The following PTPRB variants were observed in gnomAD, a reference collection of about 807,000 sequenced individuals.
The protein encoded by PTPRB is receptor-type tyrosine-protein phosphatase beta.
PTPRB carries 97 observed loss-of-function variants against 238.1 expected under a neutral mutation model. The ratio of observed to expected loss-of-function variants is 0.41; its 90% confidence interval spans 0.35 to 0.48. The LOEUF (loss-of-function observed/expected upper bound fraction) is 0.48. PTPRB is among the 20% of genes least tolerant of loss of function. The pLI is 0.30. For synonymous variants in PTPRB, 970 were observed against 995.4 expected, an observed-to-expected ratio of 0.97 and a Z score of 0.48; for missense variants, 2,292 against 2,681.9, an observed-to-expected ratio of 0.85 and a Z score of 3.21.
At position 70,520,417 on chromosome 12, in the gene PTPRB, G is replaced by A. The variant is rs1443558573; in HGVS notation, c.*1072C>T. 8.7e-6 allele frequency: 2 copies of A among 229,920 alleles called. No individual in the cohort carries two copies. The highest frequency in any genetic ancestry group is 2.3e-5 in the African/African-American group (1 of 42,644). 14.2% of individuals were successfully genotyped at this position (229,920 alleles called of 1,614,324 possible). On this transcript the variant is annotated 3_prime_UTR_variant, in exon 34 of 34. Transcript: ENST00000334414. ...AATTTTACTGAAGACCACTGTTTTTGTTTTTGCTATTGTTTTTAAATTTAC... is the reference window on the plus strand; with the variant it reads ...AATTTTACTGAAGACCACTGTTTTTATTTTTGCTATTGTTTTTAAATTTAC...
intron 31 of PTPRB, among the ~76,000 whole-genome samples, 168 bp from the exon 32 acceptor site, chr12:70,532,338 C>G (rs1873396122): frequency 6.6e-6 from 1 of 151,576 alleles, no homozygotes; most frequent in African/African-American, 2.4e-5. Context: ...AACCCCACCC[C>G]CCCACAGCCT....
In PTPRB at chr12:70,539,898, C is replaced by T. The variant is rs749373418; in HGVS notation, c.5678+41G>A. ...TTTGTTAGCAAATTTCACATAATAC[C>T]ATCTTTCAACAAATTATACGAAGGC... On this transcript the variant is annotated intron_variant, in intron 24 of 33. Coordinates refer to ENST00000334414, the MANE Select transcript of PTPRB (RefSeq NM_001109754.4). 1.1e-5 allele frequency: 17 copies of T among 1,580,984 alleles called. No individual in the cohort carries two copies. In the South Asian group the frequency reaches 1.9e-4, roughly 18 times the overall value.
chr12:70,548,923 ATGTTTTAATTCCTG>A (rs1876484927), intron 21 of PTPRB, among the ~76,000 whole-genome samples: 1 of 152,130 alleles, frequency 6.6e-6, no homozygotes, highest in South Asian at 2.1e-4. Context: ...ATCCTTTCCT[ATGTTTTAATTCCTG>A]TGTTTTAATA....
intron 4 of PTPRB, among the ~76,000 whole-genome samples, chr12:70,601,028 C>A (rs923576982): frequency 1.5e-4 from 23 of 152,066 alleles, no homozygotes; most frequent in Non-Finnish European, 3.2e-4. Context: ...CCACCACGCC[C>A]AGCTAATTTT....
intron 10 of PTPRB, among the ~76,000 whole-genome samples, chr12:70,580,393 T>C (rs1055065212): frequency 6.6e-6 from 1 of 152,240 alleles, no homozygotes; most frequent in African/African-American, 2.4e-5. Flanking sequence ...GATGCTTTCT[T>C]TGGGAGGTTT....
intron 6 of PTPRB, among the ~76,000 whole-genome samples, chr12:70,593,374 G>A (rs1212244743): frequency 6.6e-6 from 1 of 151,904 alleles, no homozygotes; most frequent in Non-Finnish European, 1.5e-5. Flanking sequence ...TTAGCTGTGC[G>A]TGGTGGCAGG....
chr12:70,544,970 A>G (rs1875747323), intron 21 of PTPRB, among the ~76,000 whole-genome samples: 1 of 152,234 alleles, frequency 6.6e-6, no homozygotes, highest in African/African-American at 2.4e-5. Context: ...ACACAAATAT[A>G]ATAAATCAGA....
At chr12:70,622,006 T>G (rs1884960445) in intron 3 of PTPRB, among the ~76,000 whole-genome samples, 1 of 152,226 alleles carries the variant, frequency 6.6e-6, no homozygotes, top group Non-Finnish European at 1.5e-5. Flanking sequence ...ATTGCTTTAG[T>G]CTCTCTCCCT....
chr12:70,575,960 G>A (rs549650752), intron 11 of PTPRB, among the ~76,000 whole-genome samples: 3 of 152,218 alleles, frequency 2.0e-5, no homozygotes, highest in Non-Finnish European at 2.9e-5. Flanking sequence ...TTCAGAACTG[G>A]GTTTAAAACC....
At chr12:70,633,753 A>G (rs974705780) in intron 2 of PTPRB, among the ~76,000 whole-genome samples, 1 of 152,110 alleles carries the variant, frequency 6.6e-6, no homozygotes, top group African/African-American at 2.4e-5. Context: ...ATTACTAGAC[A>G]TATTTGTATG....
chr12:70,521,655 A>C (rs960085256), intron 33 of PTPRB, 144 bp from the exon 34 acceptor site: 9 of 591,926 alleles, frequency 1.5e-5, no homozygotes, highest in Admixed American at 3.8e-5. Context: ...TATTGGGACC[A>C]GGTAATTCCA....
chr12:70,556,290 A>G (rs951700943), intron 18 of PTPRB, 142 bp from the exon 19 acceptor site: 2 of 770,664 alleles, frequency 2.6e-6, no homozygotes, highest in Non-Finnish European at 4.1e-6. Flanking sequence ...TCACCCTAGC[A>G]GAGACACATG....
intron 9 of PTPRB, chr12:70,585,384 T>C (rs895951633): frequency 6.6e-6 from 1 of 152,238 alleles, no homozygotes; most frequent in Non-Finnish European, 1.5e-5. Context: ...CTCTCTTTCC[T>C]AGCTGATACG....
rs776795760 is a variant in PTPRB, at chr12:70,635,971, G to A, written c.151C>T (p.Gln51Ter). Residue 51 changes from glutamine (Q) to a stop codon, truncating the protein, a stop_gained, in exon 2 of 34, where the codon CAG (glutamine) becomes TAG (stop). Transcript: ENST00000334414. LOFTEE classifies it high-confidence loss of function. ...TTTTCATCCTCAGTCCACATCCACT[G>A]CTGGTTCTGGATGGTCCTGTTGCAT... ...GSCNRTIQNQ[Q>*]WMWTEDEKLL... 1 of 1,613,394 alleles carries A rather than the reference G, an allele frequency of 6.2e-7. No homozygotes were observed. The highest frequency in any genetic ancestry group is 1.3e-5 in the African/African-American group (1 of 74,902).
chr12:70,586,403 G>A lies in PTPRB; in HGVS notation c.2311+604C>T, dbSNP rs551112219. Among the ~76,000 whole-genome samples, 5 of 152,298 alleles carry A rather than the reference G, an allele frequency of 3.3e-5. No homozygotes were observed. In the South Asian group the frequency reaches 8.3e-4, roughly 25 times the overall value. ...CCTCCCTAGTCATGTGGAACTGTGA[G>A]TCAATTAAACCTCTTTCCTTTATAA... On this transcript the variant is annotated intron_variant, in intron 9 of 33. Transcript: ENST00000334414.
At chr12:70,568,189 C>G (rs1879554185) in intron 14 of PTPRB, among the ~76,000 whole-genome samples, 1 of 152,150 alleles carries the variant, frequency 6.6e-6, no homozygotes, top group Admixed American at 6.5e-5. Context: ...CTCATAACCA[C>G]TTTTTTCTTA....
At chr12:70,625,354 C>T (rs371881275) in intron 2 of PTPRB, among the ~76,000 whole-genome samples, 1 of 152,124 alleles carries the variant, frequency 6.6e-6, no homozygotes. Flanking sequence ...ATTTAGCAGA[C>T]TTGGTGTGGG....
At chr12:70,583,989 C>T (rs773051832) in intron 9 of PTPRB, among the ~76,000 whole-genome samples, 2 of 152,192 alleles carry the variant, frequency 1.3e-5, no homozygotes, top group East Asian at 3.9e-4. Flanking sequence ...TTATAATTAT[C>T]AGACATAGGA....
chr12:70,552,970 C>T lies in PTPRB; in HGVS notation c.5194G>A (p.Glu1732Lys). The change falls in exon 21 of 34, where the codon GAG becomes AAG. Residue 1732 changes from glutamate (E) to lysine (K), a missense_variant. By Grantham distance (56) the Glu-to-Lys change is moderately conservative. Transcript: ENST00000334414. Reference protein sequence around the residue: ...EQQHPLPSYLEYRHNASIRVY... With the variant: ...EQQHPLPSYLKYRHNASIRVY... ...CGAATGGAGGCATTGTGCCTGTACT[C>T]CAGGTAGGAAGGGAGAGGGTGCTGC... 1 of 1,613,798 alleles carries T rather than the reference C, an allele frequency of 6.2e-7. No homozygotes were observed. Among genetic ancestry groups the T allele is most frequent in the Middle Eastern group, 1.6e-4 (1 of 6,062 alleles).
Sources: gnomAD v4.1 joint callset for allele counts (sites outside exome capture counted in the v4.1 genomes callset) on GRCh38, gnomAD v4.1.1 for gene constraint, MANE v1.5 for transcripts, NCBI Gene and HGNC (gene_info 2026-07-23, HGNC 2026-07-21) for gene names.